Variants in CASD1 observed in about 807,000 individuals in gnomAD.
The protein encoded by CASD1 is CAS1 domain sialic acid O acetyltransferase 1.
In CASD1, 41 loss-of-function variants were observed where a neutral mutation model predicts 100.0. That is an observed-to-expected ratio of 0.41 (90% confidence interval 0.32 to 0.53). The LOEUF (loss-of-function observed/expected upper bound fraction) is 0.53. Ranked by LOEUF, CASD1 falls within the 20% of genes least tolerant of loss-of-function variation. CASD1 has a pLI of 0.25. For missense variants in CASD1, 774 were observed against 948.7 expected, an observed-to-expected ratio of 0.82 and a Z score of 2.42; for synonymous variants, 321 against 315.6, an observed-to-expected ratio of 1.02 and a Z score of -0.18.
At chr7:94,625,088 TGTGA>T in the CASD1 span, 5 of 151,990 alleles carry the variant, frequency 3.3e-5, no homozygotes, top group Admixed American at 6.6e-5. Flanking sequence ...CAGAAGAAAA[TGTGA>T]GTGTCTACGT....
At chr7:94,604,280 TA>T in the CASD1 span, among the ~76,000 whole-genome samples, 2 of 152,056 alleles carry the variant, frequency 1.3e-5, no homozygotes, top group African/African-American at 4.8e-5. Flanking sequence ...TTCCTTTTCA[TA>T]ATGACAATGC....
chr7:94,542,057 A>G (rs1795431047), intron 10 of CASD1, among the ~76,000 whole-genome samples: 1 of 152,208 alleles, frequency 6.6e-6, no homozygotes, highest in African/African-American at 2.4e-5. Flanking sequence ...TTGTTACAGT[A>G]TTTAATTTTG....
chr7:94,518,342 C>T lies in CASD1; in HGVS notation c.351+19C>T, dbSNP rs770252323. 1 of 1,554,302 alleles carries T rather than the reference C, an allele frequency of 6.4e-7. No individual in the cohort carries two copies. The highest frequency in any genetic ancestry group is 8.7e-7 in the Non-Finnish European group (1 of 1,147,262). On this transcript the variant is annotated intron_variant, in intron 3 of 17. Transcript: ENST00000297273. ...AAATAAGGTAAAACTTGTCTATTCC[C>T]TTCTGTAGAGTGTTTTAGAAGTTAA...
At chr7:94,522,856 T>G (rs1472756800) in intron 3 of CASD1, among the ~76,000 whole-genome samples, 1 of 151,980 alleles carries the variant, frequency 6.6e-6, no homozygotes, top group African/African-American at 2.4e-5. Flanking sequence ...AGAGACAGGG[T>G]TTCACCGTGT....
At chr7:94,557,925 G>A (rs1796260739), downstream of CASD1, among the ~76,000 whole-genome samples, 2 of 152,136 alleles carry the variant, frequency 1.3e-5, no homozygotes, top group South Asian at 4.2e-4. Flanking sequence ...CTCAGATACT[G>A]ACCATTTGCA....
rs761973397 is a variant in CASD1 at position 94,533,754 on chromosome 7, C to G, written c.580C>G (p.Leu194Val). 6.2e-7 allele frequency: 1 copy of G among 1,604,190 alleles called. No homozygotes were observed. The highest frequency in any genetic ancestry group is 1.7e-5 in the Admixed American group (1 of 58,358). ...AATGAACATCACCTCCATAGCACCA[C>G]TTTTAGAAAAATTGGCAAAGACTAG... ...YKMNITSIAPLLEKLAKTSDV... is the reference protein window; with the variant it reads ...YKMNITSIAPVLEKLAKTSDV... Residue 194 changes from leucine to valine, a missense_variant, in exon 7 of 18, where the codon CTT (leucine) becomes GTT (valine). Leu to Val is a conservative substitution (Grantham distance 32). This residue lies in a region of CASD1 where 453 missense variants were observed against 532.6 expected (regional missense o/e 0.85). Coordinates refer to ENST00000297273, the MANE Select transcript of CASD1 (RefSeq NM_022900.5).
chr7:94,605,417 T>C, the CASD1 span, among the ~76,000 whole-genome samples: 6,155 of 152,158 alleles, frequency 0.04, 187 homozygotes, highest in East Asian at 0.11. Context: ...GATAACTTGT[T>C]TAAAATAATA....
chr7:94,587,878 A>T, the CASD1 span: 243,415 of 1,511,392 alleles, frequency 0.16, 26,674 homozygotes, highest in African/African-American at 0.55. Context: ...CACATTTCTG[A>T]ATGTGCCTGA....
the CASD1 span, among the ~76,000 whole-genome samples, chr7:94,576,275 T>G: frequency 2.0e-5 from 3 of 152,190 alleles, no homozygotes; most frequent in African/African-American, 4.8e-5. Context: ...GTTAAATCTT[T>G]GGGCAGGAGG....
At chr7:94,601,443 C>CAAAAAAAAAAAAAAAAAA in the CASD1 span, among the ~76,000 whole-genome samples, 8 of 89,332 alleles carry the variant, frequency 9.0e-5, 2 homozygotes, top group African/African-American at 2.3e-4. Flanking sequence ...ATCCCAGTAT[C>CAAAAAAAAAAAAAAAAAA]AAAAAAAAAA....
At chr7:94,552,273 T>TA (rs775805252) in intron 15 of CASD1, 77 bp from the exon 16 acceptor site, 16,747 of 775,906 alleles carry the variant, frequency 0.022, no homozygotes, top group Non-Finnish European at 0.025. Flanking sequence ...TAAAGAACTG[T>TA]AAAAAAAAAA....
the CASD1 span, among the ~76,000 whole-genome samples, chr7:94,593,558 C>T: frequency 6.6e-6 from 1 of 151,808 alleles, no homozygotes; most frequent in East Asian, 1.9e-4. Context: ...TGTCCCTTTC[C>T]CCAAGCATAA....
At chr7:94,587,803 C>G in the CASD1 span, 3 of 1,546,492 alleles carry the variant, frequency 1.9e-6, no homozygotes, top group Admixed American at 2.0e-5. Context: ...AGTTGTCAAA[C>G]GAAAATCTCC....
intron 3 of CASD1, among the ~76,000 whole-genome samples, chr7:94,519,532 C>T (rs1794148696): frequency 6.6e-6 from 1 of 152,090 alleles, no homozygotes; most frequent in Non-Finnish European, 1.5e-5. Context: ...ATGATACAGT[C>T]AACTTTTCAT....
At chr7:94,544,598 G>A in intron 11 of CASD1, 68 bp downstream of exon 11, 1 of 1,500,534 alleles carries the variant, frequency 6.7e-7, no homozygotes, top group Non-Finnish European at 9.0e-7. Flanking sequence ...ATTAACTTGA[G>A]AAAAAAATAT....
At chr7:94,532,697 C>T (rs1794908676) in intron 5 of CASD1, among the ~76,000 whole-genome samples, 1 of 152,114 alleles carries the variant, frequency 6.6e-6, no homozygotes, top group African/African-American at 2.4e-5. Flanking sequence ...TTAGGGATCT[C>T]TACTTATATT....
At chr7:94,590,936 C>G in the CASD1 span, 4 of 151,904 alleles carry the variant, frequency 2.6e-5, no homozygotes, top group African/African-American at 9.7e-5. Flanking sequence ...ATAGGTAACA[C>G]CTTTGAGAGT....
At chr7:94,561,777 C>G (rs1796343394), downstream of CASD1, among the ~76,000 whole-genome samples, 1 of 152,094 alleles carries the variant, frequency 6.6e-6, no homozygotes, top group South Asian at 2.1e-4. Context: ...GAACCGTCAG[C>G]TAGCTAATAT....
chr7:94,610,405 T>G, the CASD1 span, among the ~76,000 whole-genome samples: 1 of 152,316 alleles, frequency 6.6e-6, no homozygotes, highest in South Asian at 2.1e-4. Flanking sequence ...GTAACAAATA[T>G]ACCACTCTGG....
Sources: gnomAD v4.1 joint callset for allele counts (sites outside exome capture counted in the v4.1 genomes callset) on GRCh38, gnomAD v4.1.1 for gene constraint, gnomAD v4.1.1 regional missense constraint, MANE v1.5 for transcripts, NCBI Gene and HGNC (gene_info 2026-07-23, HGNC 2026-07-21) for gene names.